MYLK: variants seen among roughly 807,000 people sequenced by gnomAD.
MYLK encodes the protein myosin light chain kinase, also known as myosin light chain kinase, smooth muscle.
MYLK carries 106 observed loss-of-function variants against 203.4 expected under a neutral mutation model. That is an observed-to-expected ratio of 0.52 (90% CI 0.45 to 0.61). The LOEUF is 0.61. Among genes scored for constraint, MYLK ranks in the 20% least tolerant of loss-of-function variants. The pLI is 0.00. For synonymous variants in MYLK, 867 were observed against 959.5 expected, an observed-to-expected ratio of 0.90 and a Z score of 1.78; for missense variants, 2,072 against 2,442.3, an observed-to-expected ratio of 0.85 and a Z score of 3.20.
At chr3:123,614,505 G>C (rs539251024) in intron 33 of MYLK, among the ~76,000 whole-genome samples, 156 bp from the exon 34 acceptor site, 3 of 152,260 alleles carry the variant, frequency 2.0e-5, no homozygotes, top group African/African-American at 7.2e-5. Context: ...ATCTACATTA[G>C]AATATGGACA....
At chr3:123,865,184 GAAT>G (rs2032243150) in intron 2 of MYLK, among the ~76,000 whole-genome samples, 1 of 152,160 alleles carries the variant, frequency 6.6e-6, no homozygotes, top group South Asian at 2.1e-4. Flanking sequence ...CTTCATTAAT[GAAT>G]AATATCCATA....
At chr3:123,727,210 T>C (rs987815113) in intron 11 of MYLK, among the ~76,000 whole-genome samples, 2 of 152,066 alleles carry the variant, frequency 1.3e-5, no homozygotes, top group Non-Finnish European at 2.9e-5. Context: ...GGATAGGCGA[T>C]GGGAGGGCAG....
chr3:123,827,031 C>T (rs1243994541), intron 3 of MYLK, among the ~76,000 whole-genome samples: 1 of 152,018 alleles, frequency 6.6e-6, no homozygotes, highest in African/African-American at 2.4e-5. Context: ...ATGTTACCTC[C>T]CAAGAAAGAT....
At chr3:123,796,084 A>G (rs2109120657) in intron 3 of MYLK, among the ~76,000 whole-genome samples, 1 of 152,312 alleles carries the variant, frequency 6.6e-6, no homozygotes, top group South Asian at 2.1e-4. Context: ...TCCTTGTTGA[A>G]TGGTAAGACT....
chr3:123,736,892 G>A (rs532725408), intron 8 of MYLK, among the ~76,000 whole-genome samples: 19 of 152,102 alleles, frequency 1.2e-4, no homozygotes, highest in Non-Finnish European at 2.6e-4. Flanking sequence ...ATCTTCCCTC[G>A]TGGCCAGGTC....
intron 2 of MYLK, among the ~76,000 whole-genome samples, chr3:123,836,467 A>C (rs1282062594): frequency 6.6e-6 from 1 of 152,194 alleles, no homozygotes; most frequent in African/African-American, 2.4e-5. Context: ...TATTTTGCTT[A>C]ATATATTTTG....
At chr3:123,735,794 A>T (rs2062654392) in intron 8 of MYLK, 1 of 193,430 alleles carries the variant, frequency 5.2e-6, no homozygotes, top group Non-Finnish European at 1.1e-5. Flanking sequence ...CCAGTTCTTC[A>T]AAGAAAAAAC....
Position 123,831,518 on chromosome 3 carries a change from A to C in MYLK, c.-4+30T>G, listed in dbSNP as rs951301272. Reference sequence around the variant, plus strand: ...CAGGGTGGACTGAGGAGGAATGGTCAACAGCATAATGTAAACTCTGTTCAC... The same window carrying C: ...CAGGGTGGACTGAGGAGGAATGGTCCACAGCATAATGTAAACTCTGTTCAC... On this transcript the variant is annotated intron_variant, in intron 3 of 33. Transcript: ENST00000360304. 3 of 966,160 alleles carry C rather than the reference A, an allele frequency of 3.1e-6. No homozygotes were observed. The African/African-American group carries it at 5.1e-5, about 16-fold the overall frequency. The allele number at this position is 966,160 out of a possible 1,614,324, so 59.8% of individuals were successfully genotyped here. A position where few individuals can be genotyped will look rare whatever the true frequency, so the allele number is the denominator to read the frequency against.
chr3:123,864,076 G>C (rs2032138876), intron 2 of MYLK, among the ~76,000 whole-genome samples: 1 of 152,190 alleles, frequency 6.6e-6, no homozygotes, highest in South Asian at 2.1e-4. Flanking sequence ...CAGGCCAAAT[G>C]AAAGAAACAT....
chr3:123,649,473 T>C (rs949396657), intron 24 of MYLK, among the ~76,000 whole-genome samples: 4 of 152,230 alleles, frequency 2.6e-5, no homozygotes, highest in African/African-American at 9.6e-5. Flanking sequence ...TCCCCAGATA[T>C]ACCCTTCTCC....
chr3:123,746,421 A>C (rs1015944922), intron 5 of MYLK, among the ~76,000 whole-genome samples: 1 of 152,106 alleles, frequency 6.6e-6, no homozygotes, highest in Non-Finnish European at 1.5e-5. Context: ...GAGGTGGAGG[A>C]ATACGAGATG....
Position 123,648,522 on chromosome 3 carries a change from G to C in MYLK, c.4415+449C>G, listed in dbSNP as rs1486569063. On this transcript the variant is annotated intron_variant, in intron 26 of 33. Transcript: ENST00000360304. This position sits in a 1 kb window ranked among gnomAD's most constrained non-coding sequence, Gnocchi z 4.5. ...GTTCCAGGGTACATGTGCAGGATGT[G>C]TACGTTACGTAGGTAAACGTGTGCC... 1.3e-5 allele frequency among the ~76,000 whole-genome samples: 2 copies of C among 152,102 alleles called. No individual in the cohort carries two copies. The highest frequency in any genetic ancestry group is 4.8e-5 in the African/African-American group (2 of 41,404).
At chr3:123,830,724 A>T (rs559336137) in intron 3 of MYLK, among the ~76,000 whole-genome samples, 4 of 152,116 alleles carry the variant, frequency 2.6e-5, no homozygotes, top group Non-Finnish European at 2.9e-5. Context: ...ATGTTAGCTG[A>T]GGACCCCTGA....
chr3:123,821,413 C>A (rs1407187249), intron 3 of MYLK, among the ~76,000 whole-genome samples: 3 of 152,136 alleles, frequency 2.0e-5, no homozygotes, highest in Non-Finnish European at 4.4e-5. Flanking sequence ...ATAAAAACAA[C>A]TTTTATCTTA....
intron 4 of MYLK, among the ~76,000 whole-genome samples, chr3:123,785,208 C>G (rs780622498): frequency 1.3e-5 from 2 of 152,240 alleles, no homozygotes; most frequent in Non-Finnish European, 2.9e-5. Flanking sequence ...TTTAGCGCAG[C>G]TATGAATGCA....
chr3:123,761,482 C>T (rs1454621193), intron 4 of MYLK, among the ~76,000 whole-genome samples: 1 of 152,150 alleles, frequency 6.6e-6, no homozygotes, highest in Admixed American at 6.5e-5. Flanking sequence ...ATCTTTTATG[C>T]CACCTGTATC....
intron 4 of MYLK, among the ~76,000 whole-genome samples, chr3:123,791,417 G>A (rs902202497): frequency 9.2e-5 from 14 of 152,168 alleles, no homozygotes; most frequent in African/African-American, 3.4e-4. Flanking sequence ...ATGTGATGTG[G>A]CCCTTCCCTG....
intron 3 of MYLK, among the ~76,000 whole-genome samples, chr3:123,811,825 C>A (rs1439968944): frequency 6.6e-6 from 1 of 152,168 alleles, no homozygotes; most frequent in Non-Finnish European, 1.5e-5. Flanking sequence ...GCCAGCTAGG[C>A]CCCTCCAGGT....
rs557845806 is a variant in MYLK at position 123,631,006 on chromosome 3, C to T, written c.4962-1380G>A. 2.6e-5 allele frequency among the ~76,000 whole-genome samples: 4 copies of T among 152,262 alleles called. No individual in the cohort carries two copies. The East Asian group carries it at 5.8e-4, about 22-fold the overall frequency. On this transcript the variant is annotated intron_variant, in intron 29 of 33. Coordinates refer to ENST00000360304, the MANE Select transcript of MYLK (RefSeq NM_053025.4). ...GCTTGGTTTAATGCTCTGCTGCTGT[C>T]GTCTCAAGATTCTCAATAAGGTTTG... is the stretch of plus-strand genomic sequence containing the variant.
Sources: gnomAD v4.1 joint callset for allele counts (sites outside exome capture counted in the v4.1 genomes callset) on GRCh38, gnomAD v4.1.1 for gene constraint, Gnocchi (gnomAD v3.1) non-coding constraint, MANE v1.5 for transcripts, NCBI Gene and HGNC (gene_info 2026-07-23, HGNC 2026-07-21) for gene names.